The following ACSL5 variants were observed in gnomAD, a reference collection of about 807,000 sequenced individuals.
The protein encoded by ACSL5 is long-chain-fatty-acid--CoA ligase 5.
ACSL5 carries 50 observed loss-of-function variants against 84.9 expected under a neutral mutation model. The observed-to-expected ratio is 0.59, with a 90% CI of 0.47 to 0.75. ACSL5 has a LOEUF of 0.75. Ranked by LOEUF, ACSL5 falls within the 30% of genes least tolerant of loss-of-function variation. ACSL5 has a pLI of 0.00. For missense variants in ACSL5, 775 were observed against 830.4 expected (o/e 0.93, Z 0.82); for synonymous variants, 280 against 300.7 (o/e 0.93, Z 0.71).
chr10:112,409,718 T>A (rs756600081), intron 7 of ACSL5, 33 bp downstream of exon 7: 1 of 1,608,798 alleles, frequency 6.2e-7, no homozygotes, highest in South Asian at 1.1e-5. Context: ...GCAGCTCCAA[T>A]GCTTGTCCAA....
intron 19 of ACSL5, 40 bp downstream of exon 19, chr10:112,426,399 C>A: frequency 1.3e-6 from 2 of 1,555,262 alleles, no homozygotes; most frequent in Non-Finnish European, 1.8e-6. Flanking sequence ...CACCCATGGG[C>A]CCATCGTGGA....
At chr10:112,382,805 A>G (rs971567202) in intron 1 of ACSL5, among the ~76,000 whole-genome samples, 3 of 152,154 alleles carry the variant, frequency 2.0e-5, no homozygotes, top group African/African-American at 4.8e-5. Context: ...TGGAAGAGAG[A>G]TATGAGAGGT....
In ACSL5 at chr10:112,427,301, G is replaced by T. The variant is rs1393202273; in HGVS notation, c.1995G>T (p.Glu665Asp). The change falls in exon 21 of 21, where the codon GAG (glutamate) becomes GAT (aspartate). Residue 665 changes from glutamate (E) to aspartate (D), a missense_variant. Transcript: ENST00000354655. ...LTPTLKAKRGELSKYFRTQID... is the reference protein window; with the variant it reads ...LTPTLKAKRGDLSKYFRTQID... ...CAACATTGAAAGCAAAGCGAGGAGAGCTTTCCAAATACTTTCGGACCCAAA... is the reference window on the plus strand; with the variant it reads ...CAACATTGAAAGCAAAGCGAGGAGATCTTTCCAAATACTTTCGGACCCAAA... The T allele has an allele frequency of 6.2e-7, 1 of 1,613,884 alleles. No homozygotes were observed. The highest frequency in any genetic ancestry group is 1.1e-5 in the South Asian group (1 of 91,024).
At chr10:112,383,911 C>G (rs1439453191) in intron 1 of ACSL5, among the ~76,000 whole-genome samples, 1 of 151,982 alleles carries the variant, frequency 6.6e-6, no homozygotes, top group Non-Finnish European at 1.5e-5. Flanking sequence ...AAAACTCATC[C>G]ACCAGGCGCG....
chr10:112,401,788 CTT>C (rs768233186), intron 3 of ACSL5, among the ~76,000 whole-genome samples: 10,141 of 90,568 alleles, frequency 0.11, 557 homozygotes, highest in African/African-American at 0.2. Context: ...CTTTCTTTCT[CTT>C]TCTTTCTTTC....
At chr10:112,388,725 T>C (rs1431581016) in intron 1 of ACSL5, among the ~76,000 whole-genome samples, 2 of 152,140 alleles carry the variant, frequency 1.3e-5, no homozygotes, top group African/African-American at 4.8e-5. Flanking sequence ...GTGAACAGTG[T>C]CATGGAGAAG....
intron 1 of ACSL5, among the ~76,000 whole-genome samples, 169 bp downstream of exon 1, chr10:112,374,438 G>A (rs1849202051): frequency 6.6e-6 from 1 of 152,044 alleles, no homozygotes; most frequent in Admixed American, 6.6e-5. Context: ...TGTGTGGGAG[G>A]CAAAGAAAAA....
chr10:112,383,600 A>G (rs2133567968), intron 1 of ACSL5, among the ~76,000 whole-genome samples: 1 of 152,372 alleles, frequency 6.6e-6, no homozygotes, highest in African/African-American at 2.4e-5. Context: ...TGGATTACTC[A>G]GTGGCTGAGA....
chr10:112,428,341 T>C lies in ACSL5; in HGVS notation c.*983T>C. ...AGATAACACATGTTGTTTCTACTTG[T>C]AAATGTAAAGTCTTTAAAATAAACT... is the stretch of plus-strand genomic sequence containing the variant. On this transcript the variant is annotated 3_prime_UTR_variant, in exon 21 of 21. Coordinates refer to ENST00000354655, the MANE Select transcript of ACSL5 (RefSeq NM_203379.2). 1 of 398,018 alleles carries C rather than the reference T, an allele frequency of 2.5e-6. No individual in the cohort carries two copies. Among genetic ancestry groups the C allele is most frequent in the Non-Finnish European group, 4.4e-6 (1 of 225,702 alleles). The allele number at this position is 398,018 out of a possible 1,614,324, so 24.7% of individuals were successfully genotyped here.
intron 17 of ACSL5, among the ~76,000 whole-genome samples, chr10:112,423,343 CA>C (rs1461097523): frequency 7.0e-6 from 1 of 143,306 alleles, no homozygotes; most frequent in Non-Finnish European, 1.5e-5. Flanking sequence ...TAGGAGCTGC[CA>C]AAGCTAGAAA....
chr10:112,377,301 A>G (rs950734073), intron 1 of ACSL5, among the ~76,000 whole-genome samples: 1 of 152,228 alleles, frequency 6.6e-6, no homozygotes, highest in Non-Finnish European at 1.5e-5. Context: ...GAACTCTGGG[A>G]GTCTGAGGTG....
At chr10:112,388,132 G>A (rs572655358) in intron 1 of ACSL5, among the ~76,000 whole-genome samples, 2 of 151,988 alleles carry the variant, frequency 1.3e-5, no homozygotes, top group African/African-American at 4.8e-5. Flanking sequence ...TAGAGATGGG[G>A]TTTCGCCATG....
At chr10:112,425,917 T>C (rs1380018188) in intron 18 of ACSL5, among the ~76,000 whole-genome samples, 1 of 152,216 alleles carries the variant, frequency 6.6e-6, no homozygotes, top group African/African-American at 2.4e-5. Context: ...TTTAAGGAAC[T>C]CCTTATCCCA....
chr10:112,384,884 T>C (rs544844821), intron 1 of ACSL5, among the ~76,000 whole-genome samples: 7 of 152,234 alleles, frequency 4.6e-5, no homozygotes, highest in Non-Finnish European at 8.8e-5. Flanking sequence ...TCATTGTAAT[T>C]GAGAAGATAA....
intron 7 of ACSL5, 112 bp from the exon 8 acceptor site, chr10:112,410,351 G>T: frequency 1.3e-6 from 2 of 1,569,520 alleles, no homozygotes; most frequent in South Asian, 1.2e-5. Context: ...TTGGAATTTT[G>T]CTTATATTCC....
chr10:112,376,473 T>TATTCAGCAAG (rs777390193), intron 1 of ACSL5: 2 of 1,613,774 alleles, frequency 1.2e-6, no homozygotes, highest in East Asian at 4.5e-5. Context: ...GAGGGGGTGT[T>TATTCAGCAAG]ATTCAGCAAG....
Position 112,426,446 on chromosome 10 carries a change from A to G in ACSL5, c.1839+87A>G, listed in dbSNP as rs1039368316. On this transcript the variant is annotated intron_variant, in intron 19 of 20. Transcript: ENST00000354655. ...CTCACCAGTTCCTGCATCTGTCACA[A>G]GTGGCTGCAGCCCAAACAGACTGAA... 16 of 1,138,694 alleles carry G rather than the reference A, an allele frequency of 1.4e-5. No homozygotes were observed. In the African/African-American group the frequency reaches 1.8e-4, roughly 13 times the overall value. The allele number at this position is 1,138,694 out of a possible 1,614,324, so 70.5% of individuals were successfully genotyped here. A position where few individuals can be genotyped will look rare whatever the true frequency, so the allele number is the denominator to read the frequency against.
rs35770074 is a variant in ACSL5, at chr10:112,416,470, C to CAAA, written c.1084-395_1084-393dup. ...TGGGCGACAGAGCGAGACTCTGTCT[C>CAAA]AAAAAAAAAAAAAAAAAAAAAAAAA... On this transcript the variant is annotated intron_variant, in intron 12 of 20. Transcript: ENST00000354655. Among the ~76,000 whole-genome samples, 128 of 58,254 alleles carry CAAA rather than the reference C, an allele frequency of 2.2e-3. 2 individuals carry two copies. Among genetic ancestry groups the CAAA allele is most frequent in the African/African-American group, 5.5e-3 (82 of 15,010 alleles). The allele number at this position is 58,254 out of a possible 152,430, so 38.2% of individuals were successfully genotyped here. A position where few individuals can be genotyped will look rare whatever the true frequency, so the allele number is the denominator to read the frequency against.
At chr10:112,381,532 A>G (rs1438279953) in intron 1 of ACSL5, among the ~76,000 whole-genome samples, 11 of 151,870 alleles carry the variant, frequency 7.2e-5, no homozygotes, top group African/African-American at 2.2e-4. Flanking sequence ...GGATGTGATG[A>G]TGCATGCTTG....
Sources: gnomAD v4.1 joint callset for allele counts (sites outside exome capture counted in the v4.1 genomes callset) on GRCh38, gnomAD v4.1.1 for gene constraint, MANE v1.5 for transcripts, NCBI Gene and HGNC (gene_info 2026-07-23, HGNC 2026-07-21) for gene names.